Variants in TANC2 observed in about 807,000 individuals in gnomAD.
The protein encoded by TANC2 is tetratricopeptide repeat, ankyrin repeat and coiled-coil containing 2, also known as protein TANC2.
In TANC2, 26 loss-of-function variants were observed where a neutral mutation model predicts 210.5. The ratio of observed to expected loss-of-function variants is 0.12; its 90% CI spans 0.09 to 0.17. The LOEUF (loss-of-function observed/expected upper bound fraction) is 0.17. Ranked by LOEUF, TANC2 falls within the 10% of genes least tolerant of loss-of-function variation. TANC2 has a pLI of 1.00. For missense variants in TANC2, 2,129 were observed against 2,608.9 expected, an observed-to-expected ratio of 0.82 and a Z score of 4.01; for synonymous variants, 931 against 967.1, an observed-to-expected ratio of 0.96 and a Z score of 0.69.
At chr17:63,152,780 A>G (rs891250675) in intron 5 of TANC2, 1 of 152,116 alleles carries the variant, frequency 6.6e-6, no homozygotes, top group Admixed American at 6.6e-5. Context: ...CCAGATTTGC[A>G]AGTCAGAATG....
exon 22 of TANC2, chr17:63,411,575 C>T: frequency 6.2e-7 from 1 of 1,614,000 alleles, no homozygotes; most frequent in Non-Finnish European, 8.5e-7. Flanking sequence ...GTTTGAAGGG[C>T]CATCTCTCAG....
At chr17:63,265,121 C>T (rs907555796) in intron 8 of TANC2, among the ~76,000 whole-genome samples, 11 of 152,156 alleles carry the variant, frequency 7.2e-5, no homozygotes, top group African/African-American at 2.7e-4. Flanking sequence ...TTGGTGAAAG[C>T]TTCTGCTTAG....
chr17:63,393,252 A>G (rs1458516104), intron 17 of TANC2: 1 of 152,214 alleles, frequency 6.6e-6, no homozygotes, highest in African/African-American at 2.4e-5. Context: ...TGGCAAGAAT[A>G]CCACGTAAGC....
chr17:63,014,472 T>C (rs2034016590), intron 2 of TANC2, among the ~76,000 whole-genome samples: 1 of 152,188 alleles, frequency 6.6e-6, no homozygotes, highest in South Asian at 2.1e-4. Flanking sequence ...TTTTAGATTA[T>C]ATAATGTGTT....
At position 62,996,013 on chromosome 17, in the gene TANC2, A is replaced by G. The variant is rs553908216; in HGVS notation, c.-23-13524A>G. 2.0e-5 allele frequency among the ~76,000 whole-genome samples: 3 copies of G among 152,358 alleles called. No individual in the cohort carries two copies. The South Asian group carries it at 6.2e-4, about 32-fold the overall frequency. On this transcript the variant is annotated intron_variant, in intron 1 of 27. Coordinates refer to ENST00000689528, the Ensembl canonical transcript of TANC2. Reference sequence around the variant, plus strand: ...CAACACTTAAAGAAGGCCTTTCTTGATAATTATTAGTCCTTCAGCATGCCT... The same window carrying G: ...CAACACTTAAAGAAGGCCTTTCTTGGTAATTATTAGTCCTTCAGCATGCCT...
At chr17:63,210,861 T>C (rs1378254565) in intron 7 of TANC2, among the ~76,000 whole-genome samples, 1 of 152,196 alleles carries the variant, frequency 6.6e-6, no homozygotes, top group Non-Finnish European at 1.5e-5. Context: ...TTTCTTTTTC[T>C]TTTTGAATCA....
intron 9 of TANC2, among the ~76,000 whole-genome samples, chr17:63,302,698 A>T (rs1598810279): frequency 1.5e-5 from 2 of 134,618 alleles, no homozygotes; most frequent in East Asian, 2.3e-4. Flanking sequence ...TGCACGGGAG[A>T]TGGGTCTCCT....
At chr17:63,171,851 C>T (rs2040415582) in intron 5 of TANC2, among the ~76,000 whole-genome samples, 1 of 152,154 alleles carries the variant, frequency 6.6e-6, no homozygotes, top group African/African-American at 2.4e-5. Flanking sequence ...CCCTTAAAAT[C>T]TAAAGGTATT....
chr17:63,192,167 C>T (rs777932335), intron 5 of TANC2, among the ~76,000 whole-genome samples: 2 of 152,018 alleles, frequency 1.3e-5, no homozygotes, highest in South Asian at 2.1e-4. Flanking sequence ...ATAGAGTGCA[C>T]GACAGATAAT....
At chr17:63,257,767 C>T (rs1184991944) in intron 8 of TANC2, among the ~76,000 whole-genome samples, 1 of 152,212 alleles carries the variant, frequency 6.6e-6, no homozygotes, top group African/African-American at 2.4e-5. Flanking sequence ...AAACTCTCTA[C>T]ACTTTAACTT....
intron 7 of TANC2, among the ~76,000 whole-genome samples, chr17:63,201,607 T>G (rs2041536990): frequency 6.6e-6 from 1 of 151,530 alleles, no homozygotes; most frequent in Admixed American, 6.6e-5. Context: ...TTTCCCCTCG[T>G]GAATTTTCTT....
At chr17:63,166,767 T>C (rs1197979830) in intron 5 of TANC2, among the ~76,000 whole-genome samples, 1 of 152,158 alleles carries the variant, frequency 6.6e-6, no homozygotes, top group African/African-American at 2.4e-5. Flanking sequence ...CACAGCCCCA[T>C]GCAGATGGCT....
At chr17:63,257,028 G>A (rs1471119779) in intron 8 of TANC2, among the ~76,000 whole-genome samples, 1 of 149,398 alleles carries the variant, frequency 6.7e-6, no homozygotes, top group Non-Finnish European at 1.5e-5. Context: ...TTTCTTGTAG[G>A]CCACAGATAA....
chr17:63,198,157 A>G (rs2041407599), intron 6 of TANC2, among the ~76,000 whole-genome samples: 1 of 152,126 alleles, frequency 6.6e-6, no homozygotes, highest in Non-Finnish European at 1.5e-5. Context: ...AGTTGTTATA[A>G]AAGTAATAGA....
chr17:63,117,598 G>A (rs1444860677), intron 4 of TANC2, among the ~76,000 whole-genome samples: 1 of 152,180 alleles, frequency 6.6e-6, no homozygotes, highest in East Asian at 1.9e-4. Context: ...CACCTGTAAC[G>A]CACAGTAAGT....
At chr17:63,270,026 G>A (rs1179622735) in intron 9 of TANC2, among the ~76,000 whole-genome samples, 1 of 152,158 alleles carries the variant, frequency 6.6e-6, no homozygotes, top group African/African-American at 2.4e-5. Context: ...GTTCCTTGAA[G>A]TCATCTTTAT....
intron 4 of TANC2, among the ~76,000 whole-genome samples, chr17:63,113,062 C>T (rs2038115332): frequency 6.6e-6 from 1 of 152,064 alleles, no homozygotes; most frequent in Non-Finnish European, 1.5e-5. Context: ...AATTTAAGGG[C>T]TAAACAATTT....
In TANC2 at chr17:63,054,632, T is replaced by G. The variant is rs529432058; in HGVS notation, c.68-19311T>G. ...TCCTGACCTTTTGATCCCCCAGCCT[T>G]GGCCTCCCAAAGTGCTGGGATTACA... On this transcript the variant is annotated intron_variant, in intron 2 of 27. Coordinates refer to ENST00000689528, the Ensembl canonical transcript of TANC2. 4.6e-5 allele frequency among the ~76,000 whole-genome samples: 7 copies of G among 152,118 alleles called. No individual in the cohort carries two copies. In the South Asian group the frequency reaches 1.5e-3, roughly 32 times the overall value.
At chr17:63,264,818 G>A (rs2043474937) in intron 8 of TANC2, among the ~76,000 whole-genome samples, 1 of 152,082 alleles carries the variant, frequency 6.6e-6, no homozygotes, top group Non-Finnish European at 1.5e-5. Flanking sequence ...AATTAGCTGA[G>A]CGTGGTGATG....
Sources: gnomAD v4.1 joint callset for allele counts (sites outside exome capture counted in the v4.1 genomes callset) on GRCh38, gnomAD v4.1.1 for gene constraint, MANE v1.5 for transcripts, NCBI Gene and HGNC (gene_info 2026-07-23, HGNC 2026-07-21) for gene names.